The following HNF4G variants were observed in gnomAD, a reference collection of about 807,000 sequenced individuals.
HNF4G encodes the protein hepatocyte nuclear factor 4-gamma.
Under a neutral mutation model 50.9 loss-of-function variants are expected in HNF4G, and 21 were observed. The ratio of observed to expected loss-of-function variants is 0.41; its 90% CI spans 0.29 to 0.59. The LOEUF is 0.59. Ranked by LOEUF, HNF4G falls within the 20% of genes least tolerant of loss-of-function variation. The pLI, the probability that HNF4G is intolerant of heterozygous loss-of-function variation, is 0.26. For missense variants in HNF4G, 527 were observed against 559.4 expected (o/e 0.94, Z 0.58); for synonymous variants, 198 against 185.6 (o/e 1.07, Z -0.54).
At chr8:75,418,866 T>C (rs762136662) in intron 1 of HNF4G, among the ~76,000 whole-genome samples, 1 of 151,962 alleles carries the variant, frequency 6.6e-6, no homozygotes, top group South Asian at 2.1e-4. Context: ...TAGCTGGGAC[T>C]ACAGGCATGA....
intron 1 of HNF4G, among the ~76,000 whole-genome samples, chr8:75,475,619 AT>A (rs1198394225): frequency 6.6e-6 from 1 of 152,180 alleles, no homozygotes; most frequent in East Asian, 1.9e-4. Context: ...GGTTATAATT[AT>A]TTTATTGAGC....
At chr8:75,455,849 C>G (rs1178474519) in intron 1 of HNF4G, among the ~76,000 whole-genome samples, 2 of 152,022 alleles carry the variant, frequency 1.3e-5, no homozygotes, top group Non-Finnish European at 2.9e-5. Flanking sequence ...AGTTTGCATA[C>G]TTTCTGTATA....
At chr8:75,507,914 G>A (rs1805638016) in intron 2 of HNF4G, among the ~76,000 whole-genome samples, 1 of 151,960 alleles carries the variant, frequency 6.6e-6, no homozygotes, top group Non-Finnish European at 1.5e-5. Flanking sequence ...ACTAAAATAT[G>A]TGGAGAATTT....
Position 75,564,188 on chromosome 8 carries a change from C to A in HNF4G, c.*92C>A. The A allele has an allele frequency of 2.3e-6, 3 of 1,324,250 alleles. No homozygotes were observed. The highest frequency in any genetic ancestry group is 3.2e-6 in the Non-Finnish European group (3 of 947,296). 82.0% of individuals were successfully genotyped at this position (1,324,250 alleles called of 1,614,324 possible). Reference sequence around the variant, plus strand: ...ATAGCACTTTTGGCAAACTCTTAGCCAAGGCTTCTTCATTGGTGCTGTTAT... The same window carrying A: ...ATAGCACTTTTGGCAAACTCTTAGCAAAGGCTTCTTCATTGGTGCTGTTAT... On this transcript the variant is annotated 3_prime_UTR_variant, in exon 10 of 10. Transcript: ENST00000396423.
upstream of HNF4G, among the ~76,000 whole-genome samples, chr8:75,535,493 ATTC>A (rs564650091): frequency 6.5e-4 from 99 of 151,832 alleles, no homozygotes; most frequent in Non-Finnish European, 1.3e-3. Context: ...TTAGATTGTT[ATTC>A]TTCTTCATTT....
At chr8:75,433,048 T>C (rs995192343) in intron 1 of HNF4G, among the ~76,000 whole-genome samples, 6 of 152,266 alleles carry the variant, frequency 3.9e-5, no homozygotes, top group Non-Finnish European at 7.4e-5. Context: ...AAGTGTACCC[T>C]GTGAGAGACC....
At chr8:75,425,384 C>T (rs1389686445) in intron 1 of HNF4G, among the ~76,000 whole-genome samples, 1 of 151,426 alleles carries the variant, frequency 6.6e-6, no homozygotes, top group African/African-American at 2.4e-5. Context: ...GCGCCCAGCC[C>T]AATGCAGCTT....
intron 1 of HNF4G, among the ~76,000 whole-genome samples, chr8:75,467,945 AG>A (rs1229658627): frequency 6.6e-6 from 1 of 152,160 alleles, no homozygotes; most frequent in Non-Finnish European, 1.5e-5. Context: ...TTACATTTTA[AG>A]AACCACTGCT....
intron 1 of HNF4G, among the ~76,000 whole-genome samples, chr8:75,450,685 G>C (rs1481378867): frequency 6.6e-6 from 1 of 152,166 alleles, no homozygotes; most frequent in African/African-American, 2.4e-5. Context: ...TTTCCCTGAT[G>C]ATTAGTGCCA....
At chr8:75,447,016 A>G (rs1007572295) in intron 1 of HNF4G, among the ~76,000 whole-genome samples, 4 of 146,088 alleles carry the variant, frequency 2.7e-5, no homozygotes, top group African/African-American at 1.0e-4. Context: ...GCATCACACT[A>G]CCTGACTTCA....
intron 1 of HNF4G, among the ~76,000 whole-genome samples, chr8:75,448,349 C>T (rs1349659466): frequency 6.9e-6 from 1 of 145,764 alleles, no homozygotes; most frequent in Non-Finnish European, 1.5e-5. Context: ...CGAGTTGGTG[C>T]AGCGCACCAG....
rs1812772675 is a variant in HNF4G at position 75,496,562 on chromosome 8, A to G, written c.-24+6354A>G. Among the ~76,000 whole-genome samples the G allele has an allele frequency of 2.0e-5, 3 of 152,070 alleles. No individual in the cohort carries two copies. The East Asian group carries it at 5.8e-4, about 29-fold the overall frequency. ...CTCCATCTCACAACTTTCAGAGGGGATTTACTCCAAAATCTTGGATTTCTT... is the reference window on the plus strand; with the variant it reads ...CTCCATCTCACAACTTTCAGAGGGGGTTTACTCCAAAATCTTGGATTTCTT... On this transcript the variant is annotated intron_variant, in intron 2 of 10. Transcript: ENST00000354370.
chr8:75,450,766 G>A (rs1233768045), intron 1 of HNF4G, among the ~76,000 whole-genome samples: 2 of 152,174 alleles, frequency 1.3e-5, no homozygotes, highest in Non-Finnish European at 2.9e-5. Flanking sequence ...GTTGAGAAAT[G>A]GGAACTTTTA....
Position 75,549,337 on chromosome 8 carries a change from G to T in HNF4G, c.382+1656G>T, listed in dbSNP as rs1281385895. On this transcript the variant is annotated intron_variant, in intron 3 of 9. Transcript: ENST00000396423. Reference sequence around the variant, plus strand: ...TTATAAATGTTTACAATATCTTTTAGCATTTTTCTAAAGAATAATCATGTA... The same window carrying T: ...TTATAAATGTTTACAATATCTTTTATCATTTTTCTAAAGAATAATCATGTA... 2.0e-5 allele frequency among the ~76,000 whole-genome samples: 3 copies of T among 152,026 alleles called. No homozygotes were observed. The East Asian group carries it at 5.8e-4, about 29-fold the overall frequency.
chr8:75,443,374 A>G (rs772831679), intron 1 of HNF4G, among the ~76,000 whole-genome samples: 2 of 152,222 alleles, frequency 1.3e-5, no homozygotes, highest in Non-Finnish European at 2.9e-5. Flanking sequence ...CTAAAATGAG[A>G]ATAACATTAG....
chr8:75,473,515 A>G (rs1257849643), intron 1 of HNF4G, among the ~76,000 whole-genome samples: 1 of 152,214 alleles, frequency 6.6e-6, no homozygotes, highest in East Asian at 1.9e-4. Context: ...TTGTGGGAAA[A>G]TAGTGAGTTT....
rs1812381881 is a variant in HNF4G at position 75,481,629 on chromosome 8, C to A, written c.-143-8460C>A. Among the ~76,000 whole-genome samples the A allele has an allele frequency of 2.0e-5, 3 of 151,998 alleles. No homozygotes were observed. The South Asian group carries it at 6.2e-4, about 32-fold the overall frequency. On this transcript the variant is annotated intron_variant, in intron 1 of 10. Transcript: ENST00000354370. ...GATGAATAGAAGATAACGGTGGGACCCCAAGGCACTTTCTAGGATGTACAC... is the reference window on the plus strand; with the variant it reads ...GATGAATAGAAGATAACGGTGGGACACCAAGGCACTTTCTAGGATGTACAC...
chr8:75,459,816 C>A (rs1811803155), intron 1 of HNF4G, among the ~76,000 whole-genome samples: 1 of 152,134 alleles, frequency 6.6e-6, no homozygotes, highest in South Asian at 2.1e-4. Flanking sequence ...GAAAAGCCCT[C>A]CAGGACTCTA....
intron 1 of HNF4G, among the ~76,000 whole-genome samples, chr8:75,417,131 A>T (rs1018112353): frequency 6.6e-6 from 1 of 152,192 alleles, no homozygotes; most frequent in African/African-American, 2.4e-5. Flanking sequence ...GCACACACAC[A>T]CACACACACA....
Sources: gnomAD v4.1 joint callset for allele counts (sites outside exome capture counted in the v4.1 genomes callset) on GRCh38, gnomAD v4.1.1 for gene constraint, MANE v1.5 for transcripts, NCBI Gene and HGNC (gene_info 2026-07-23, HGNC 2026-07-21) for gene names.